SPAST: variants seen among roughly 807,000 people sequenced by gnomAD.
SPAST encodes the protein spastin.
Under a neutral mutation model 76.6 loss-of-function variants are expected in SPAST, and 30 were observed. The observed-to-expected ratio is 0.39, with a 90% CI of 0.29 to 0.53. The LOEUF (loss-of-function observed/expected upper bound fraction) is 0.53, where lower values mean the gene tolerates loss of function less well. SPAST is among the 20% of genes least tolerant of loss of function. SPAST has a pLI of 0.68. For synonymous variants in SPAST, 305 were observed against 281.0 expected (o/e 1.09, Z -0.86); for missense variants, 717 against 770.5 (o/e 0.93, Z 0.82).
At chr2:32,138,751 A>G (rs994322451) in intron 12 of SPAST, among the ~76,000 whole-genome samples, 16 of 152,202 alleles carry the variant, frequency 1.1e-4, no homozygotes, top group Admixed American at 1.0e-3. Context: ...GATGTCAAGA[A>G]GTGTATTTCC....
At chr2:32,133,003 G>A (rs1403570747) in intron 9 of SPAST, among the ~76,000 whole-genome samples, 2 of 151,202 alleles carry the variant, frequency 1.3e-5, no homozygotes, top group African/African-American at 4.9e-5. Context: ...CCGAGATTGC[G>A]CCATTCCACT....
intron 1 of SPAST, among the ~76,000 whole-genome samples, chr2:32,081,262 T>G (rs968329855): frequency 2.0e-5 from 3 of 151,840 alleles, no homozygotes; most frequent in Admixed American, 6.6e-5. Flanking sequence ...TGGCGTTTTT[T>G]TGTGTGTGTT....
intron 1 of SPAST, among the ~76,000 whole-genome samples, chr2:32,069,802 G>A (rs1164264459): frequency 2.0e-5 from 3 of 151,824 alleles, no homozygotes; most frequent in Non-Finnish European, 4.4e-5. Flanking sequence ...CTCGTGATCC[G>A]CCCACCTTGG....
At chr2:32,110,178 G>A (rs969973018) in intron 4 of SPAST, among the ~76,000 whole-genome samples, 3 of 147,466 alleles carry the variant, frequency 2.0e-5, no homozygotes, top group Non-Finnish European at 4.5e-5. Flanking sequence ...GAATGCAGTG[G>A]TGCTATCTTG....
At chr2:32,086,354 C>T (rs1017078285) in intron 1 of SPAST, among the ~76,000 whole-genome samples, 10 of 151,578 alleles carry the variant, frequency 6.6e-5, no homozygotes, top group African/African-American at 1.9e-4. Flanking sequence ...CTTAGCTACT[C>T]GGGAGGCCAA....
At chr2:32,109,077 A>G (rs1678433706) in intron 4 of SPAST, among the ~76,000 whole-genome samples, 1 of 148,472 alleles carries the variant, frequency 6.7e-6, no homozygotes, top group South Asian at 2.1e-4. Context: ...TATACTTTAA[A>G]TGGATGTAAT....
In SPAST at chr2:32,063,752, AGCAGTGGCTGCCGCCGTC is replaced by A; in HGVS notation, c.-77_-60del. On this transcript the variant is annotated 5_prime_UTR_variant, in exon 1 of 17. Transcript: ENST00000315285. The stretch of plus-strand genomic sequence containing the variant: ...CACGGGGGTCTGTGGCCCCCGCCGT[AGCAGTGGCTGCCGCCGTC>A]GCTTGGTTCCCGTCGGTCTGCGGGA... The A allele has an allele frequency of 6.6e-7, 1 of 1,518,326 alleles. No individual in the cohort carries two copies. Among genetic ancestry groups the A allele is most frequent in the African/African-American group, 1.4e-5 (1 of 72,506 alleles). The allele number at this position is 1,518,326 out of a possible 1,614,324, so 94.1% of individuals were successfully genotyped here. A position where few individuals can be genotyped will look rare whatever the true frequency, so the allele number is the denominator to read the frequency against.
chr2:32,071,440 G>A (rs1230902525), intron 1 of SPAST, among the ~76,000 whole-genome samples: 3 of 152,040 alleles, frequency 2.0e-5, no homozygotes, highest in Admixed American at 6.6e-5. Context: ...AAATAACTTC[G>A]TCAATGAAAA....
intron 3 of SPAST, among the ~76,000 whole-genome samples, chr2:32,093,277 C>T (rs1478826783): frequency 7.2e-6 from 1 of 138,618 alleles, no homozygotes; most frequent in Admixed American, 7.8e-5. Context: ...CGCCACTGCA[C>T]TCCAGCCTGG....
intron 3 of SPAST, 104 bp from the exon 4 acceptor site, chr2:32,098,692 G>T: frequency 4.0e-6 from 3 of 745,560 alleles, no homozygotes; most frequent in Non-Finnish European, 7.1e-6. Context: ...TAACAATCTG[G>T]TAACACCTTG....
chr2:32,079,070 G>A (rs1677091321), intron 1 of SPAST, among the ~76,000 whole-genome samples: 2 of 151,876 alleles, frequency 1.3e-5, no homozygotes, highest in Admixed American at 1.3e-4. Flanking sequence ...TGAATTCCTG[G>A]GCTCAAGTGA....
Position 32,137,196 on chromosome 2 carries a change from G to T in SPAST, c.1493+8G>T, listed in dbSNP as rs200100166. 1 of 1,587,966 alleles carries T rather than the reference G, an allele frequency of 6.3e-7. No individual in the cohort carries two copies. Among genetic ancestry groups the T allele is most frequent in the Admixed American group, 1.7e-5 (1 of 59,968 alleles). ...TGATGAGGCTGTTCTCAGGTAGGGA[G>T]ATTTATATGGAAATACATGCATTTA... On this transcript the variant is annotated splice_region_variant and intron_variant, in intron 12 of 16. Transcript: ENST00000315285.
intron 14 of SPAST, 72 bp from the exon 15 acceptor site, chr2:32,144,865 C>G: frequency 9.8e-7 from 1 of 1,024,338 alleles, no homozygotes; most frequent in Non-Finnish European, 1.5e-6. Flanking sequence ...GCCTGGGCAA[C>G]AAGAGCAAAA....
intron 3 of SPAST, among the ~76,000 whole-genome samples, chr2:32,094,554 A>G (rs1302426392): frequency 6.6e-6 from 1 of 152,230 alleles, no homozygotes; most frequent in East Asian, 1.9e-4. Flanking sequence ...CAAGGAGATT[A>G]TAGTAGAGAT....
chr2:32,076,680 C>G (rs891092109), intron 1 of SPAST, among the ~76,000 whole-genome samples: 1 of 151,866 alleles, frequency 6.6e-6, no homozygotes, highest in Non-Finnish European at 1.5e-5. Flanking sequence ...TGAAAGTCTA[C>G]CAGGAGATTT....
chr2:32,093,901 T>C (rs1677825276), intron 3 of SPAST, among the ~76,000 whole-genome samples: 1 of 152,144 alleles, frequency 6.6e-6, no homozygotes, highest in African/African-American at 2.4e-5. Flanking sequence ...GTTTTACAGT[T>C]AAGCTTTGCT....
At position 32,115,684 on chromosome 2, in the gene SPAST, A is replaced by C. The variant is rs1573120286; in HGVS notation, c.871-18A>C. On this transcript the variant is annotated intron_variant, in intron 5 of 16. Coordinates refer to ENST00000315285, the MANE Select transcript of SPAST (RefSeq NM_014946.4). ...ATGTTAGGTTGTATTTTCATATTAAAATTTTGTATCCTTTAAGGGTACTCC... is the reference window on the plus strand; with the variant it reads ...ATGTTAGGTTGTATTTTCATATTAACATTTTGTATCCTTTAAGGGTACTCC... 1 of 1,577,982 alleles carries C rather than the reference A, an allele frequency of 6.3e-7. No individual in the cohort carries two copies. The highest frequency in any genetic ancestry group is 1.3e-5 in the African/African-American group (1 of 74,316).
intron 16 of SPAST, among the ~76,000 whole-genome samples, chr2:32,151,192 C>G (rs576488380): frequency 2.2e-4 from 33 of 152,178 alleles, no homozygotes; most frequent in African/African-American, 7.5e-4. Flanking sequence ...ATCCGCCCAC[C>G]TCGGCCTCCC....
chr2:32,080,601 A>G (rs187425918), intron 1 of SPAST, among the ~76,000 whole-genome samples: 16 of 55,552 alleles, frequency 2.9e-4, no homozygotes, highest in Non-Finnish European at 5.5e-4. Context: ...GTTGGGAGCT[A>G]ATGTTAAAGG....
Sources: allele counts gnomAD v4.1 joint callset (sites outside exome capture counted in the v4.1 genomes callset), GRCh38; gene constraint gnomAD v4.1.1; transcripts MANE v1.5; gene names NCBI Gene and HGNC (gene_info 2026-07-23, HGNC 2026-07-21).